The following WDR25 variants were observed in gnomAD, a reference collection of about 807,000 sequenced individuals.
WDR25 encodes WD repeat-containing protein 25.
Under a neutral mutation model 47.7 loss-of-function variants are expected in WDR25, and 35 were observed. The ratio of observed to expected loss-of-function variants is 0.73; its 90% CI spans 0.56 to 0.97. WDR25 has a LOEUF of 0.97. WDR25 is among the 50% of genes least tolerant of loss of function. WDR25 has a pLI of 0.00. For synonymous variants in WDR25, 248 were observed against 278.9 expected, an observed-to-expected ratio of 0.89 and a Z score of 1.10; for missense variants, 634 against 704.7, an observed-to-expected ratio of 0.90 and a Z score of 1.14.
intron 2 of WDR25, among the ~76,000 whole-genome samples, chr14:100,403,680 T>TG (rs1897447528): frequency 6.6e-6 from 1 of 152,196 alleles, no homozygotes; most frequent in Non-Finnish European, 1.5e-5. Context: ...AAAATCAGTG[T>TG]GGAGGTGTGA....
At chr14:100,410,569 T>A (rs1045914025) in intron 2 of WDR25, among the ~76,000 whole-genome samples, 5 of 151,956 alleles carry the variant, frequency 3.3e-5, no homozygotes, top group African/African-American at 1.2e-4. Context: ...CAAGCTGAGG[T>A]TGGAAGCCTG....
rs555737190 is a variant in WDR25, at chr14:100,412,077, G to A, written c.822+30331G>A. On this transcript the variant is annotated intron_variant, in intron 2 of 6. Coordinates refer to ENST00000402312, the MANE Select transcript of WDR25 (RefSeq NM_001161476.3). ...AAAAAATTTGCCTGGTGTGGTTGTG[G>A]GCTCCTGTAGTCTCAGTTACTCAGG... 4.6e-5 allele frequency among the ~76,000 whole-genome samples: 7 copies of A among 152,098 alleles called. No individual in the cohort carries two copies. The East Asian group carries it at 1.2e-3, about 25-fold the overall frequency.
Position 100,468,037 on chromosome 14 carries a change from A to G in WDR25, c.839A>G (p.Asp280Gly). 1 of 1,612,896 alleles carries G rather than the reference A, an allele frequency of 6.2e-7. No homozygotes were observed. The highest frequency in any genetic ancestry group is 1.1e-5 in the South Asian group (1 of 91,034). Residue 280 changes from aspartate (D) to glycine (G), a missense_variant, in exon 3 of 7, where the codon GAC (aspartate) becomes GGC (glycine). Asp to Gly is a moderately conservative substitution (Grantham distance 94). Coordinates refer to ENST00000402312, the MANE Select transcript of WDR25 (RefSeq NM_001161476.3). The surrounding 1 kb of genome is among the most constrained non-coding windows in gnomAD (Gnocchi z 4.5). The stretch of plus-strand genomic sequence containing the variant: ...TGCCTGCAGGTATGGAACGCCGTGG[A>G]CTCCGGGCACTGCCTGCAGACCTAC... ...DKTFKVWNAVDSGHCLQTYSL... is the reference protein window; with the variant it reads ...DKTFKVWNAVGSGHCLQTYSL...
intron 3 of WDR25, among the ~76,000 whole-genome samples, chr14:100,482,439 A>T (rs976611584): frequency 1.2e-4 from 18 of 152,302 alleles, no homozygotes; most frequent in Admixed American, 2.0e-4. Flanking sequence ...TTTGGTTTTT[A>T]AAAAATGTTT....
At chr14:100,493,398 CATA>C (rs770939417) in intron 4 of WDR25, among the ~76,000 whole-genome samples, 4 of 152,206 alleles carry the variant, frequency 2.6e-5, no homozygotes, top group Admixed American at 6.5e-5. Context: ...TTTCGCTTAA[CATA>C]ATGTTTTCAA....
intron 3 of WDR25, among the ~76,000 whole-genome samples, chr14:100,476,136 G>A (rs1900008931): frequency 6.6e-6 from 1 of 152,172 alleles, no homozygotes; most frequent in Non-Finnish European, 1.5e-5. Context: ...CACCTTTTGT[G>A]GTCCTGAGTC....
chr14:100,408,318 T>G (rs968558767), intron 2 of WDR25, among the ~76,000 whole-genome samples: 1 of 152,152 alleles, frequency 6.6e-6, no homozygotes, highest in African/African-American at 2.4e-5. Context: ...ACAATTTCAG[T>G]ATCAATGTAA....
In WDR25 at chr14:100,525,795, G is replaced by C; in HGVS notation, c.1102-75G>C. The C allele has an allele frequency of 6.4e-7, 1 of 1,562,912 alleles. No individual in the cohort carries two copies. Among genetic ancestry groups the C allele is most frequent in the Non-Finnish European group, 8.7e-7 (1 of 1,152,310 alleles). On this transcript the variant is annotated intron_variant, in intron 4 of 6. Coordinates refer to ENST00000402312, the MANE Select transcript of WDR25 (RefSeq NM_001161476.3). The surrounding 1 kb of genome is among the most constrained non-coding windows in gnomAD (Gnocchi z 4.6). The stretch of plus-strand genomic sequence containing the variant: ...TTCACTAAACCTGCCTGCCCCCTGG[G>C]TCCTTGGCCTTCCCTGCATAGGCGC...
chr14:100,482,585 T>C (rs895396039), intron 3 of WDR25, among the ~76,000 whole-genome samples: 2 of 152,268 alleles, frequency 1.3e-5, no homozygotes, highest in Non-Finnish European at 2.9e-5. Context: ...TCTAGGCAGA[T>C]TGGGTCTGTG....
intron 2 of WDR25, among the ~76,000 whole-genome samples, chr14:100,439,551 C>T (rs188165477): frequency 5.9e-5 from 9 of 152,316 alleles, no homozygotes; most frequent in Admixed American, 5.9e-4. Context: ...ACTTGCAAAC[C>T]TAATGCCTGT....
intron 2 of WDR25, among the ~76,000 whole-genome samples, chr14:100,400,165 G>C (rs1897343922): frequency 6.6e-6 from 1 of 152,236 alleles, no homozygotes; most frequent in African/African-American, 2.4e-5. Flanking sequence ...TTCCTCCTCT[G>C]GAGGAGTGGC....
chr14:100,493,417 A>T (rs1240304440), intron 4 of WDR25, among the ~76,000 whole-genome samples: 1 of 152,106 alleles, frequency 6.6e-6, no homozygotes, highest in African/African-American at 2.4e-5. Context: ...TTCAAGATTC[A>T]TTCACATTGT....
At chr14:100,484,748 C>T (rs888746784) in intron 4 of WDR25, among the ~76,000 whole-genome samples, 5 of 152,144 alleles carry the variant, frequency 3.3e-5, no homozygotes, top group African/African-American at 1.2e-4. Flanking sequence ...CATTCCCATA[C>T]CCAAACCATT....
intron 3 of WDR25, among the ~76,000 whole-genome samples, chr14:100,475,958 G>A (rs999576090): frequency 6.6e-6 from 1 of 151,724 alleles, no homozygotes; most frequent in African/African-American, 2.4e-5. Flanking sequence ...GGGAAGGAAA[G>A]AGCTGGTGTA....
intron 1 of WDR25, chr14:100,376,769 A>T (rs1274085807): frequency 8.2e-7 from 1 of 1,225,986 alleles, no homozygotes. Context: ...TTTGTGTTTG[A>T]TTTCCACCCA....
At chr14:100,473,567 T>C (rs1349053175) in intron 3 of WDR25, among the ~76,000 whole-genome samples, 1 of 152,236 alleles carries the variant, frequency 6.6e-6, no homozygotes, top group Non-Finnish European at 1.5e-5. Context: ...TCATGGGGAC[T>C]GATCCCTCTG....
Position 100,424,707 on chromosome 14 carries a change from G to A in WDR25, c.822+42961G>A, listed in dbSNP as rs73343598. Among the ~76,000 whole-genome samples the A allele has an allele frequency of 4.3e-3, 652 of 152,280 alleles. 6 individuals carry two copies. The highest frequency in any genetic ancestry group is 0.015 in the African/African-American group (613 of 41,556). ...TGTCTTGGTTTCCTAGAATCTTGGT[G>A]CGATTCGGTGGTTAGGCTGATCTCA... On this transcript the variant is annotated intron_variant, in intron 2 of 6. Coordinates refer to ENST00000402312, the MANE Select transcript of WDR25 (RefSeq NM_001161476.3). The surrounding 1 kb of genome is among the most constrained non-coding windows in gnomAD (Gnocchi z 4.2).
chr14:100,465,230 T>G (rs1459928087), intron 2 of WDR25, among the ~76,000 whole-genome samples: 2 of 152,200 alleles, frequency 1.3e-5, no homozygotes, highest in Non-Finnish European at 2.9e-5. Flanking sequence ...ATTGACCATC[T>G]TCACCGCTAT....
intron 2 of WDR25, chr14:100,382,112 G>T (rs977786132): frequency 2.8e-6 from 2 of 702,902 alleles, no homozygotes; most frequent in African/African-American, 3.5e-5. Flanking sequence ...TGCCAGCTCT[G>T]TGCCTGGTGC....
Sources: allele counts gnomAD v4.1 joint callset (sites outside exome capture counted in the v4.1 genomes callset), GRCh38; gene constraint gnomAD v4.1.1; non-coding constraint Gnocchi (gnomAD v3.1); transcripts MANE v1.5; gene names NCBI Gene and HGNC (gene_info 2026-07-23, HGNC 2026-07-21).